EEFSEC: variants seen among roughly 807,000 people sequenced by gnomAD.
EEFSEC encodes the protein eukaryotic elongation factor, selenocysteine-tRNA specific, also known as selenocysteine-specific elongation factor.
EEFSEC carries 43 observed loss-of-function variants against 42.1 expected under a neutral mutation model. That is an observed-to-expected ratio of 1.02 (90% CI 0.80 to 1.32). The LOEUF is 1.32. EEFSEC is among the 40% of genes most tolerant of loss of function. EEFSEC has a pLI of 0.00. For missense variants in EEFSEC, 745 were observed against 803.6 expected (o/e 0.93, Z 0.88); for synonymous variants, 354 against 339.1 (o/e 1.04, Z -0.48).
chr3:128,218,592 G>A (rs2065833176), intron 1 of EEFSEC, among the ~76,000 whole-genome samples: 1 of 152,132 alleles, frequency 6.6e-6, no homozygotes, highest in Admixed American at 6.5e-5. Flanking sequence ...AGAGGCTTGG[G>A]TTTGGGGTTT....
chr3:128,248,207 GA>G (rs1454426017), intron 2 of EEFSEC, among the ~76,000 whole-genome samples: 1 of 152,202 alleles, frequency 6.6e-6, no homozygotes, highest in East Asian at 1.9e-4. Context: ...CGGTCACTGG[GA>G]GACAGGGATG....
chr3:128,373,345 C>T (rs1185125305), intron 6 of EEFSEC, among the ~76,000 whole-genome samples: 1 of 152,214 alleles, frequency 6.6e-6, no homozygotes, highest in Non-Finnish European at 1.5e-5. Context: ...TGCCTGCCTC[C>T]TCCACCTGGG....
chr3:128,273,108 A>G (rs1480524813), intron 4 of EEFSEC, among the ~76,000 whole-genome samples: 1 of 152,150 alleles, frequency 6.6e-6, no homozygotes, highest in African/African-American at 2.4e-5. Context: ...ACAACTCTGC[A>G]TCTTGTCTTT....
chr3:128,166,266 G>T (rs993649121), intron 1 of EEFSEC, among the ~76,000 whole-genome samples: 1 of 152,044 alleles, frequency 6.6e-6, no homozygotes, highest in Admixed American at 6.5e-5. Flanking sequence ...ACTTTGGCTG[G>T]AAAAAACAGT....
chr3:128,293,674 A>ACAAAC (rs869213620), intron 4 of EEFSEC, among the ~76,000 whole-genome samples: 1 of 149,410 alleles, frequency 6.7e-6, no homozygotes, highest in Non-Finnish European at 1.5e-5. Flanking sequence ...AAAAAAAAAA[A>ACAAAC]AAAAAAAAAA....
rs1454409391 is a variant in EEFSEC, at chr3:128,341,842, A to G, written c.1396A>G (p.Arg466Gly). The change falls in exon 5 of 7, where the codon AGG becomes GGG. Residue 466 changes from arginine to glycine, a missense_variant. Coordinates refer to ENST00000254730, the MANE Select transcript of EEFSEC (RefSeq NM_021937.5). ...DRNYADSFLP[R>G]LKVYKLKHKH... is the part of the protein sequence containing the mutation. ...GAACTACGCCGACAGCTTCCTGCCC[A>G]GGCTGAAGGTGTACAAGCTGAAGCA... 3 of 1,613,792 alleles carry G rather than the reference A, an allele frequency of 1.9e-6. No individual in the cohort carries two copies. The highest frequency in any genetic ancestry group is 3.3e-4 in the Middle Eastern group (2 of 6,084).
chr3:128,402,813 A>G (rs190013624), intron 6 of EEFSEC, among the ~76,000 whole-genome samples: 3 of 152,278 alleles, frequency 2.0e-5, no homozygotes, highest in African/African-American at 7.2e-5. Flanking sequence ...TTTGCCCCTC[A>G]GCCCCAGCAG....
At chr3:128,345,756 G>A (rs962455839) in intron 5 of EEFSEC, among the ~76,000 whole-genome samples, 17 of 152,228 alleles carry the variant, frequency 1.1e-4, no homozygotes, top group African/African-American at 3.4e-4. Flanking sequence ...GGAGACCCTG[G>A]CACTATACCT....
chr3:128,364,726 C>T (rs1227115609), intron 6 of EEFSEC, among the ~76,000 whole-genome samples: 1 of 152,254 alleles, frequency 6.6e-6, no homozygotes, highest in Non-Finnish European at 1.5e-5. Flanking sequence ...CCAGGCCCTG[C>T]AGCACTGCTG....
At chr3:128,318,109 C>G (rs748222546) in intron 4 of EEFSEC, among the ~76,000 whole-genome samples, 4 of 152,228 alleles carry the variant, frequency 2.6e-5, no homozygotes, top group African/African-American at 9.6e-5. Context: ...GAGAGCCAGG[C>G]CGTCAGCCTG....
chr3:128,233,692 C>G (rs1432705803), intron 1 of EEFSEC, among the ~76,000 whole-genome samples: 1 of 152,234 alleles, frequency 6.6e-6, no homozygotes, highest in Non-Finnish European at 1.5e-5. Context: ...ACTTCCTCTT[C>G]CCTCAGCCTC....
At chr3:128,334,432 G>C (rs554898024) in intron 4 of EEFSEC, among the ~76,000 whole-genome samples, 1 of 152,362 alleles carries the variant, frequency 6.6e-6, no homozygotes, top group South Asian at 2.1e-4. Context: ...GCAGGGCAGG[G>C]TGTGGTTCTG....
At position 128,307,941 on chromosome 3, in the gene EEFSEC, A is replaced by G. The variant is rs985722416; in HGVS notation, c.787-33292A>G. Among the ~76,000 whole-genome samples the G allele has an allele frequency of 2.0e-5, 3 of 152,230 alleles. No individual in the cohort carries two copies. In the East Asian group the frequency reaches 5.8e-4, roughly 29 times the overall value. ...TGGGCTTTGTGGCAGGCGAGAGCAC[A>G]TGCTTGTTGGAGCTCTGTGAGGCCC... On this transcript the variant is annotated intron_variant, in intron 4 of 6. Coordinates refer to ENST00000254730, the MANE Select transcript of EEFSEC (RefSeq NM_021937.5).
At chr3:128,284,051 A>G (rs534643095) in intron 4 of EEFSEC, among the ~76,000 whole-genome samples, 3 of 152,314 alleles carry the variant, frequency 2.0e-5, no homozygotes, top group Admixed American at 6.5e-5. Flanking sequence ...TGTGAGTAAC[A>G]TACACGGCTA....
At chr3:128,261,223 A>C (rs977510513) in intron 2 of EEFSEC, among the ~76,000 whole-genome samples, 1 of 152,236 alleles carries the variant, frequency 6.6e-6, no homozygotes, top group Non-Finnish European at 1.5e-5. Flanking sequence ...GTTTATAGCC[A>C]ACAACTTGGA....
At chr3:128,341,101 C>T in intron 4 of EEFSEC, 132 bp from the exon 5 acceptor site, 10 of 1,100,586 alleles carry the variant, frequency 9.1e-6, no homozygotes, top group Non-Finnish European at 1.3e-5. Context: ...GGGCCCCAGA[C>T]CCCCCTTGGC....
intron 1 of EEFSEC, among the ~76,000 whole-genome samples, chr3:128,196,638 C>T (rs887288444): frequency 3.3e-5 from 5 of 152,026 alleles, no homozygotes; most frequent in African/African-American, 1.2e-4. Context: ...ATCATTTTTT[C>T]ATGCCTGCAG....
intron 1 of EEFSEC, among the ~76,000 whole-genome samples, chr3:128,202,575 A>T (rs1457630069): frequency 1.3e-5 from 2 of 152,226 alleles, no homozygotes; most frequent in Non-Finnish European, 2.9e-5. Context: ...ATAAAAAATC[A>T]TGTCAGCTAA....
At chr3:128,386,439 C>T (rs910044164) in intron 6 of EEFSEC, among the ~76,000 whole-genome samples, 1 of 152,084 alleles carries the variant, frequency 6.6e-6, no homozygotes, top group Non-Finnish European at 1.5e-5. Flanking sequence ...TTCCCCAGGG[C>T]CCCCAGCCCT....
Sources: allele counts gnomAD v4.1 joint callset (sites outside exome capture counted in the v4.1 genomes callset), GRCh38; gene constraint gnomAD v4.1.1; transcripts MANE v1.5; gene names NCBI Gene and HGNC (gene_info 2026-07-23, HGNC 2026-07-21).